Variants in JAK1 observed in about 807,000 individuals in gnomAD.
JAK1 encodes the protein Janus kinase 1, also known as tyrosine-protein kinase JAK1.
JAK1 carries 16 observed loss-of-function variants against 136.6 expected under a neutral mutation model. That is an observed-to-expected ratio of 0.12 (90% CI 0.08 to 0.18). The LOEUF (loss-of-function observed/expected upper bound fraction) is 0.18, where lower values mean the gene tolerates loss of function less well. JAK1 is among the 10% of genes least tolerant of loss of function. The pLI is 1.00. For missense variants in JAK1, 859 were observed against 1,450.1 expected (o/e 0.59, Z 6.62); for synonymous variants, 492 against 519.5 (o/e 0.95, Z 0.72).
At chr1:64,855,485 T>C in intron 11 of JAK1, 24 bp downstream of exon 11, 4 of 1,610,704 alleles carry the variant, frequency 2.5e-6, no homozygotes, top group South Asian at 1.1e-5. Context: ...GGATACAGCC[T>C]GGCTCTGGCA....
intron 4 of JAK1, among the ~76,000 whole-genome samples, chr1:64,878,561 GTATATATATA>G (rs56881589): frequency 0.032 from 3,771 of 119,480 alleles, 78 homozygotes; most frequent in East Asian, 0.078. Context: ...TATATAGTGT[GTATATATATA>G]TATATATATA....
At position 64,841,242 on chromosome 1, in the gene JAK1, T is replaced by G. The variant is rs764565978; in HGVS notation, c.2649+3A>C. ...AGCAGCAAGCAGCACGGGTGTAACT[T>G]ACCTCTCCCAAGTCACGGATCCTCT... On this transcript the variant is annotated splice_donor_region_variant and intron_variant, in intron 19 of 24. Transcript: ENST00000342505. The G allele has an allele frequency of 1.1e-4, 183 of 1,610,132 alleles. No individual in the cohort carries two copies. The highest frequency in any genetic ancestry group is 1.5e-4 in the Non-Finnish European group (179 of 1,176,476).
At chr1:65,018,046 G>A (rs1646904748) in intron 2 of JAK1, among the ~76,000 whole-genome samples, 1 of 151,586 alleles carries the variant, frequency 6.6e-6, no homozygotes, top group Non-Finnish European at 1.5e-5. Context: ...CCTGATCTCG[G>A]GTGATCCTCC....
chr1:65,033,848 TAG>T (rs1216282562), intron 2 of JAK1, among the ~76,000 whole-genome samples: 2 of 152,188 alleles, frequency 1.3e-5, no homozygotes, highest in Non-Finnish European at 2.9e-5. Context: ...CTTAGCAATT[TAG>T]AGTGTGTGAT....
chr1:64,996,872 G>A (rs557013990), intron 2 of JAK1, among the ~76,000 whole-genome samples: 62 of 152,330 alleles, frequency 4.1e-4, no homozygotes, highest in African/African-American at 1.5e-3. Flanking sequence ...CACTTCCAGT[G>A]CAATGATGAA....
At chr1:64,877,569 G>A (rs1644692870) in intron 4 of JAK1, among the ~76,000 whole-genome samples, 1 of 152,058 alleles carries the variant, frequency 6.6e-6, no homozygotes, top group Non-Finnish European at 1.5e-5. Flanking sequence ...TTCACTAGAT[G>A]TAATTTTTGG....
chr1:64,988,159 G>T (rs1646617444), intron 2 of JAK1, among the ~76,000 whole-genome samples: 1 of 152,110 alleles, frequency 6.6e-6, no homozygotes, highest in Non-Finnish European at 1.5e-5. Flanking sequence ...TTTACACCAT[G>T]GAAACTGGCA....
At chr1:65,006,091 T>C (rs1007428700) in intron 2 of JAK1, among the ~76,000 whole-genome samples, 1 of 152,256 alleles carries the variant, frequency 6.6e-6, no homozygotes, top group African/African-American at 2.4e-5. Context: ...AGAGAGATTT[T>C]ATCTCTTCAC....
chr1:64,996,631 A>G (rs1176037144), intron 2 of JAK1, among the ~76,000 whole-genome samples: 1 of 152,254 alleles, frequency 6.6e-6, no homozygotes. Flanking sequence ...TAGTCTGTTT[A>G]GAAGAGAGAT....
At chr1:64,908,651 AT>A (rs973226258) in intron 1 of JAK1, among the ~76,000 whole-genome samples, 15 of 152,158 alleles carry the variant, frequency 9.9e-5, no homozygotes, top group African/African-American at 3.6e-4. Flanking sequence ...TTAATCAGAT[AT>A]TCAAATTGCT....
intron 4 of JAK1, among the ~76,000 whole-genome samples, chr1:64,878,173 A>C (rs1239071234): frequency 6.6e-6 from 1 of 152,210 alleles, no homozygotes; most frequent in African/African-American, 2.4e-5. Context: ...TGCTTTTCAA[A>C]AAGGATCCAC....
intron 12 of JAK1, among the ~76,000 whole-genome samples, chr1:64,849,794 A>G (rs1418378162): frequency 6.6e-6 from 1 of 152,214 alleles, no homozygotes. Flanking sequence ...CAAGTTCTAC[A>G]CAGAAAAGAG....
intron 1 of JAK1, among the ~76,000 whole-genome samples, chr1:65,047,360 A>G (rs541029115): frequency 6.6e-4 from 101 of 152,268 alleles, no homozygotes; most frequent in African/African-American, 1.9e-3. Context: ...ACCTATATAG[A>G]TTGTTCATTA....
intron 1 of JAK1, among the ~76,000 whole-genome samples, chr1:64,937,665 T>A (rs1027323413): frequency 1.3e-5 from 2 of 152,082 alleles, no homozygotes; most frequent in Non-Finnish European, 2.9e-5. Flanking sequence ...TAGTCGATCA[T>A]AGAATGACAA....
At chr1:65,037,699 G>C (rs553896949) in intron 2 of JAK1, among the ~76,000 whole-genome samples, 2 of 152,070 alleles carry the variant, frequency 1.3e-5, no homozygotes, top group East Asian at 3.9e-4. Flanking sequence ...CCCATCTCTA[G>C]AAAGAATTTA....
At chr1:64,869,957 A>C (rs143732508) in intron 5 of JAK1, among the ~76,000 whole-genome samples, 1 of 152,276 alleles carries the variant, frequency 6.6e-6, no homozygotes, top group South Asian at 2.1e-4. Context: ...TCATCACCAC[A>C]TGTACATTTT....
chr1:65,050,889 C>T (rs1418820499), intron 1 of JAK1, among the ~76,000 whole-genome samples: 1 of 152,190 alleles, frequency 6.6e-6, no homozygotes, highest in Non-Finnish European at 1.5e-5. Context: ...GCCTGAGAGC[C>T]TCCTCAGGTT....
chr1:65,024,929 A>G (rs1646966225), intron 2 of JAK1, among the ~76,000 whole-genome samples: 1 of 152,120 alleles, frequency 6.6e-6, no homozygotes. Context: ...GTGAGCCGAG[A>G]TCGTGCCATT....
Position 64,864,822 on chromosome 1 carries a change from C to T in JAK1, c.1141G>A (p.Val381Met). Residue 381 changes from valine to methionine, a missense_variant, in exon 8 of 25, where the codon GTG becomes ATG. By Grantham distance (21) the Val-to-Met change is conservative. Transcript: ENST00000342505. ...EITHIVIKES[V>M]VSINKQDNKK... is the part of the protein sequence containing the mutation. Reference sequence around the variant, plus strand: ...TTGTCCTGCTTGTTAATGCTGACCACAGACTCCTTTATTACAATGTGAGTG... The same window carrying T: ...TTGTCCTGCTTGTTAATGCTGACCATAGACTCCTTTATTACAATGTGAGTG... The T allele has an allele frequency of 6.2e-7, 1 of 1,613,906 alleles. No individual in the cohort carries two copies. Among genetic ancestry groups the T allele is most frequent in the South Asian group, 1.1e-5 (1 of 90,988 alleles).
Sources: allele counts gnomAD v4.1 joint callset (sites outside exome capture counted in the v4.1 genomes callset), GRCh38; gene constraint gnomAD v4.1.1; transcripts MANE v1.5; gene names NCBI Gene and HGNC (gene_info 2026-07-23, HGNC 2026-07-21).